NOS1AP: variants seen among roughly 807,000 people sequenced by gnomAD.
NOS1AP encodes carboxyl-terminal PDZ ligand of neuronal nitric oxide synthase protein.
NOS1AP carries 21 observed loss-of-function variants against 56.2 expected under a neutral mutation model. The ratio of observed to expected loss-of-function variants is 0.37; its 90% confidence interval spans 0.26 to 0.54. The LOEUF is 0.54. NOS1AP is among the 20% of genes least tolerant of loss of function. The pLI, the probability that NOS1AP is intolerant of heterozygous loss-of-function variation, is 0.84. For synonymous variants in NOS1AP, 270 were observed against 274.6 expected, an observed-to-expected ratio of 0.98 and a Z score of 0.17; for missense variants, 522 against 657.8, an observed-to-expected ratio of 0.79 and a Z score of 2.26.
Position 162,357,043 on chromosome 1 carries a change from C to T in NOS1AP, c.846C>T (p.Gly282=). Reference sequence around the variant, plus strand: ...CTTCCTCGAAGCCTCCAGGCCTGGGCACAGAGACACCGCTGTCCACTCACC... The same window carrying T: ...CTTCCTCGAAGCCTCCAGGCCTGGGTACAGAGACACCGCTGTCCACTCACC... ...PSSSSKPPGL[G]TETPLSTHHQ... is the part of the protein sequence containing the mutation. Residue 282 remains glycine (G), a synonymous_variant, in exon 8 of 10, where the codon GGC becomes GGT. Coordinates refer to ENST00000361897, the MANE Select transcript of NOS1AP (RefSeq NM_014697.3). 1.2e-6 allele frequency: 2 copies of T among 1,613,732 alleles called. No individual in the cohort carries two copies. Among genetic ancestry groups the T allele is most frequent in the Non-Finnish European group, 1.7e-6 (2 of 1,180,024 alleles).
intron 4 of NOS1AP, among the ~76,000 whole-genome samples, chr1:162,331,368 G>A (rs1317938934): frequency 6.6e-6 from 1 of 152,174 alleles, no homozygotes; most frequent in East Asian, 1.9e-4. Context: ...TTCCTCCCAG[G>A]CTTCTTGGGG....
intron 2 of NOS1AP, among the ~76,000 whole-genome samples, chr1:162,226,256 A>G (rs2101663266): frequency 6.6e-6 from 1 of 152,274 alleles, no homozygotes; most frequent in African/African-American, 2.4e-5. Flanking sequence ...TCCCACCATT[A>G]GACTCCAGCC....
At chr1:162,221,223 G>A (rs544086528) in intron 2 of NOS1AP, among the ~76,000 whole-genome samples, 1 of 152,202 alleles carries the variant, frequency 6.6e-6, no homozygotes, top group Non-Finnish European at 1.5e-5. Flanking sequence ...AAAGGCGTGA[G>A]CCACCGCGCC....
intron 4 of NOS1AP, among the ~76,000 whole-genome samples, chr1:162,316,166 G>A (rs1288327226): frequency 6.6e-6 from 1 of 152,180 alleles, no homozygotes; most frequent in Non-Finnish European, 1.5e-5. Flanking sequence ...GTTGAGCACT[G>A]AACACAGCCC....
chr1:162,142,841 C>T (rs961716641), intron 1 of NOS1AP, among the ~76,000 whole-genome samples: 3 of 152,022 alleles, frequency 2.0e-5, no homozygotes, highest in Non-Finnish European at 4.4e-5. Flanking sequence ...TATAGAGACT[C>T]GATTGTTAGG....
At chr1:162,195,652 C>A (rs896743138) in intron 2 of NOS1AP, among the ~76,000 whole-genome samples, 3 of 151,964 alleles carry the variant, frequency 2.0e-5, no homozygotes, top group African/African-American at 7.3e-5. Flanking sequence ...CGTGTCCTTT[C>A]CTTCATTCAT....
chr1:162,286,895 A>G (rs1388687652), intron 2 of NOS1AP, among the ~76,000 whole-genome samples: 2 of 152,240 alleles, frequency 1.3e-5, no homozygotes, highest in African/African-American at 4.8e-5. Context: ...TTGAGAATTC[A>G]TAATTATCTT....
At chr1:162,207,907 C>G (rs983365675) in intron 2 of NOS1AP, among the ~76,000 whole-genome samples, 4 of 152,080 alleles carry the variant, frequency 2.6e-5, no homozygotes, top group African/African-American at 9.7e-5. Context: ...ATTTTAAAAG[C>G]CTGAAAAAAA....
chr1:162,351,210 A>G (rs149163861), intron 6 of NOS1AP, among the ~76,000 whole-genome samples: 2 of 152,232 alleles, frequency 1.3e-5, no homozygotes, highest in Non-Finnish European at 2.9e-5. Context: ...AAACTAGTGC[A>G]GTGCCTGAAG....
chr1:162,281,309 T>G (rs10919056), intron 2 of NOS1AP, among the ~76,000 whole-genome samples: 30,676 of 152,132 alleles, frequency 0.2, 3,470 homozygotes, highest in East Asian at 0.43. Flanking sequence ...GTGCCTTTTC[T>G]TGGGCTCTGT....
intron 2 of NOS1AP, among the ~76,000 whole-genome samples, chr1:162,180,535 C>T (rs1193227218): frequency 2.0e-5 from 3 of 152,174 alleles, no homozygotes; most frequent in South Asian, 4.1e-4. Context: ...TGAGCCACCG[C>T]GCCCGGCCAA....
intron 2 of NOS1AP, among the ~76,000 whole-genome samples, chr1:162,253,555 C>T (rs1361578619): frequency 6.6e-6 from 1 of 152,098 alleles, no homozygotes; most frequent in African/African-American, 2.4e-5. Context: ...TCAAAATAAG[C>T]AAGATTAACC....
chr1:162,281,190 A>G (rs1018849479), intron 2 of NOS1AP, among the ~76,000 whole-genome samples: 1 of 152,232 alleles, frequency 6.6e-6, no homozygotes, highest in African/African-American at 2.4e-5. Flanking sequence ...TGTGCTGTGG[A>G]CCATGGACCA....
At chr1:162,345,172 A>G (rs1038830470) in intron 6 of NOS1AP, among the ~76,000 whole-genome samples, 2 of 150,978 alleles carry the variant, frequency 1.3e-5, no homozygotes, top group African/African-American at 4.9e-5. Flanking sequence ...TTTTATTATT[A>G]TACTTTAAGT....
At chr1:162,095,999 T>C (rs1692231980) in intron 1 of NOS1AP, among the ~76,000 whole-genome samples, 1 of 152,244 alleles carries the variant, frequency 6.6e-6, no homozygotes, top group Admixed American at 6.5e-5. Flanking sequence ...ATTCATCCTG[T>C]TTAATCCTTG....
chr1:162,291,238 C>T (rs1236983122), intron 3 of NOS1AP, among the ~76,000 whole-genome samples: 2 of 152,284 alleles, frequency 1.3e-5, no homozygotes, highest in East Asian at 3.9e-4. Flanking sequence ...AGTCTCTGCC[C>T]TCCAGTGAAC....
intron 2 of NOS1AP, among the ~76,000 whole-genome samples, chr1:162,268,113 G>A (rs915600073): frequency 6.6e-6 from 1 of 152,050 alleles, no homozygotes; most frequent in Admixed American, 6.6e-5. Flanking sequence ...ACAAAAATTA[G>A]CCAGGCATGG....
At chr1:162,121,338 C>A (rs1648224102) in intron 1 of NOS1AP, among the ~76,000 whole-genome samples, 1 of 151,970 alleles carries the variant, frequency 6.6e-6, no homozygotes, top group Non-Finnish European at 1.5e-5. Flanking sequence ...AGGCTGGTCT[C>A]GAACTCCTGA....
At chr1:162,323,885 GGA>G (rs1343847020) in intron 4 of NOS1AP, among the ~76,000 whole-genome samples, 1 of 152,168 alleles carries the variant, frequency 6.6e-6, no homozygotes, top group Admixed American at 6.5e-5. Context: ...TGTATACTGG[GGA>G]GTGGACAAGG....
Sources: gnomAD v4.1 joint callset for allele counts (sites outside exome capture counted in the v4.1 genomes callset) on GRCh38, gnomAD v4.1.1 for gene constraint, MANE v1.5 for transcripts, NCBI Gene and HGNC (gene_info 2026-07-23, HGNC 2026-07-21) for gene names.